SPIDR: variants seen among roughly 807,000 people sequenced by gnomAD.
SPIDR encodes DNA repair-scaffolding protein.
In SPIDR, 93 loss-of-function variants were observed where a neutral mutation model predicts 104.6. The observed-to-expected ratio is 0.89, with a 90% CI of 0.75 to 1.06. The LOEUF is 1.06. Ranked by LOEUF, SPIDR falls within the 50% of genes least tolerant of loss-of-function variation. The probability of loss-of-function intolerance (pLI) is 0.00; values close to 1 mark genes in which losing one functional copy is unlikely to be tolerated. For synonymous variants in SPIDR, 431 were observed against 416.9 expected (o/e 1.03, Z -0.41); for missense variants, 1,154 against 1,111.2 (o/e 1.04, Z -0.55).
intron 8 of SPIDR, among the ~76,000 whole-genome samples, chr8:47,591,896 G>C (rs759655247): frequency 2.1e-4 from 31 of 151,210 alleles, no homozygotes; most frequent in South Asian, 2.1e-4. Flanking sequence ...GAAACGGGGC[G>C]GGGGGGCACT....
intron 8 of SPIDR, among the ~76,000 whole-genome samples, chr8:47,480,165 G>A (rs1039792966): frequency 4.6e-5 from 7 of 152,136 alleles, no homozygotes; most frequent in African/African-American, 1.7e-4. Context: ...GACCAGCCTG[G>A]CCACAGTTGA....
At chr8:47,458,854 C>T (rs140804829) in intron 8 of SPIDR, among the ~76,000 whole-genome samples, 25 of 152,112 alleles carry the variant, frequency 1.6e-4, no homozygotes, top group Non-Finnish European at 2.2e-4. Flanking sequence ...TTGAGGGATG[C>T]CAGCTTTTGT....
chr8:47,658,121 A>T (rs1382146904), intron 10 of SPIDR, among the ~76,000 whole-genome samples: 2 of 152,020 alleles, frequency 1.3e-5, no homozygotes, highest in Non-Finnish European at 2.9e-5. Context: ...ATGTCTATCA[A>T]ATTATACGAC....
chr8:47,475,920 G>A (rs1371586553), intron 8 of SPIDR, among the ~76,000 whole-genome samples: 1 of 152,074 alleles, frequency 6.6e-6, no homozygotes, highest in Non-Finnish European at 1.5e-5. Context: ...TTGGTTATTG[G>A]TTTCTTTTTA....
chr8:47,346,621 A>G (rs984501228), intron 5 of SPIDR, among the ~76,000 whole-genome samples: 16 of 152,134 alleles, frequency 1.1e-4, no homozygotes, highest in South Asian at 6.2e-4. Context: ...TTGGTAGGCT[A>G]TTGTCTCAAT....
intron 10 of SPIDR, among the ~76,000 whole-genome samples, chr8:47,637,813 T>C (rs905479330): frequency 4.6e-5 from 7 of 152,186 alleles, no homozygotes; most frequent in Admixed American, 2.6e-4. Context: ...TTTTCCTCCT[T>C]TCCATCCTAA....
At chr8:47,618,083 G>A (rs576085540) in intron 10 of SPIDR, among the ~76,000 whole-genome samples, 1 of 152,176 alleles carries the variant, frequency 6.6e-6, no homozygotes, top group Non-Finnish European at 1.5e-5. Context: ...ATTGGGCAAG[G>A]ATCTCTAAAG....
intron 7 of SPIDR, among the ~76,000 whole-genome samples, chr8:47,424,195 A>G (rs2066042129): frequency 1.3e-5 from 2 of 152,234 alleles, no homozygotes; most frequent in Admixed American, 6.5e-5. Flanking sequence ...ATGTGAGTGC[A>G]GCAGTGGTTG....
At chr8:47,502,380 T>C (rs1354899019) in intron 8 of SPIDR, among the ~76,000 whole-genome samples, 1 of 152,262 alleles carries the variant, frequency 6.6e-6, no homozygotes, top group African/African-American at 2.4e-5. Flanking sequence ...AGGGTGTATG[T>C]GTGCAGGAAT....
chr8:47,269,165 CTTTTTTTTT>C (rs1160351168), intron 1 of SPIDR, among the ~76,000 whole-genome samples: 114 of 111,810 alleles, frequency 1.0e-3, no homozygotes, highest in African/African-American at 4.2e-3. Flanking sequence ...AGACCCTCTC[CTTTTTTTTT>C]TTTTTTTTTT....
intron 10 of SPIDR, among the ~76,000 whole-genome samples, chr8:47,623,479 G>A (rs893908908): frequency 2.0e-5 from 3 of 152,130 alleles, no homozygotes; most frequent in African/African-American, 7.2e-5. Flanking sequence ...AGTGTGCTGA[G>A]ACTGAGGAAA....
At position 47,419,839 on chromosome 8, in the gene SPIDR, A is replaced by C. The variant is rs568515202; in HGVS notation, c.877+11878A>C. On this transcript the variant is annotated intron_variant, in intron 7 of 19. Coordinates refer to ENST00000297423, the MANE Select transcript of SPIDR (RefSeq NM_001080394.4). Reference sequence around the variant, plus strand: ...TTGCGTCTTTGTTCTCGTTGGTTTCAAAGAACATCTTTATTTCTGCCTTCA... The same window carrying C: ...TTGCGTCTTTGTTCTCGTTGGTTTCCAAGAACATCTTTATTTCTGCCTTCA... Among the ~76,000 whole-genome samples the C allele has an allele frequency of 2.6e-5, 4 of 152,292 alleles. No individual in the cohort carries two copies. In the East Asian group the frequency reaches 5.8e-4, roughly 22 times the overall value.
At chr8:47,680,381 G>A (rs1031139949) in intron 11 of SPIDR, among the ~76,000 whole-genome samples, 2 of 152,208 alleles carry the variant, frequency 1.3e-5, no homozygotes, top group African/African-American at 4.8e-5. Context: ...TGACTGGGCA[G>A]GATGCTGGGG....
intron 8 of SPIDR, among the ~76,000 whole-genome samples, chr8:47,486,219 A>T (rs1326383392): frequency 1.3e-5 from 2 of 152,252 alleles, no homozygotes; most frequent in African/African-American, 4.8e-5. Flanking sequence ...CAAGCTTCAG[A>T]AGCCTATTTG....
chr8:47,300,325 A>C (rs587595505), intron 5 of SPIDR, among the ~76,000 whole-genome samples: 3 of 152,260 alleles, frequency 2.0e-5, no homozygotes, highest in East Asian at 1.9e-4. Flanking sequence ...TATTCCGTCT[A>C]TCTGATTCTT....
At chr8:47,530,459 C>T (rs2085774927) in intron 8 of SPIDR, among the ~76,000 whole-genome samples, 1 of 152,000 alleles carries the variant, frequency 6.6e-6, no homozygotes. Flanking sequence ...CAAAACAAAA[C>T]ACCTTTAGAA....
chr8:47,331,135 CATCTGT>C (rs2048602402), intron 5 of SPIDR, among the ~76,000 whole-genome samples: 1 of 152,222 alleles, frequency 6.6e-6, no homozygotes, highest in Non-Finnish European at 1.5e-5. Flanking sequence ...ACTTATTTGC[CATCTGT>C]ATCTGTATCT....
chr8:47,487,739 G>A (rs553725664), intron 8 of SPIDR, among the ~76,000 whole-genome samples: 6 of 152,082 alleles, frequency 3.9e-5, no homozygotes, highest in African/African-American at 1.2e-4. Flanking sequence ...ACTGCACAAC[G>A]TGCTCCTGAA....
chr8:47,410,378 G>A (rs1403605398), intron 7 of SPIDR, among the ~76,000 whole-genome samples: 4 of 151,626 alleles, frequency 2.6e-5, no homozygotes, highest in Non-Finnish European at 5.9e-5. Context: ...ATGGGGTTTC[G>A]CCATGCTGGG....
Sources: gnomAD v4.1 joint callset for allele counts (sites outside exome capture counted in the v4.1 genomes callset) on GRCh38, gnomAD v4.1.1 for gene constraint, MANE v1.5 for transcripts, NCBI Gene and HGNC (gene_info 2026-07-23, HGNC 2026-07-21) for gene names.